Variants in PDZD4 observed in about 807,000 individuals in gnomAD.
PDZD4 encodes the protein PDZ domain containing 4.
In PDZD4, 9 loss-of-function variants were observed where a neutral mutation model predicts 38.5. The observed-to-expected ratio is 0.23, with a 90% confidence interval of 0.14 to 0.41. The LOEUF (loss-of-function observed/expected upper bound fraction) is 0.41. Among genes scored for constraint, PDZD4 ranks in the 10% least tolerant of loss-of-function variants. The probability of loss-of-function intolerance (pLI) is 1.00; values close to 1 mark genes in which losing one functional copy is unlikely to be tolerated. For missense variants in PDZD4, 612 were observed against 722.0 expected (o/e 0.85, Z 1.75); for synonymous variants, 349 against 315.7 (o/e 1.11, Z -1.12).
rs1362707707 is a variant in PDZD4 at position 153,808,151 on chromosome X, T to C, written c.314+191A>G. The C allele has an allele frequency of 2.6e-5, 28 of 1,072,181 alleles. No individual in the cohort carries two copies. In the Admixed American group the frequency reaches 8.6e-4, roughly 33 times the overall value. The allele number at this position is 1,072,181 out of a possible 1,213,427, so 88.4% of individuals were successfully genotyped here. The stretch of plus-strand genomic sequence containing the variant: ...GTCCTCCCTCGGCCCTGGGGGTAGA[T>C]ACAACGGGGCGCCTGCTGGAGCCCG... On this transcript the variant is annotated intron_variant, in intron 2 of 7. Transcript: ENST00000393758.
At chrX:153,830,161 C>T (rs2064527110) in intron 1 of PDZD4, 78 bp downstream of exon 1, 2 of 974,057 alleles carry the variant, frequency 2.1e-6, no homozygotes, top group Admixed American at 3.8e-5. Flanking sequence ...TCTCCCACGC[C>T]CGCCGCTCCG....
chrX:153,829,683 C>A, intron 1 of PDZD4: 2 of 750,279 alleles, frequency 2.7e-6, no homozygotes, highest in Non-Finnish European at 3.1e-6. Flanking sequence ...CGGCCAGGCA[C>A]TGCCACCCGC....
intron 1 of PDZD4, among the ~76,000 whole-genome samples, chrX:153,809,133 C>A (rs1266774405): frequency 8.9e-6 from 1 of 112,483 alleles, no homozygotes; most frequent in Non-Finnish European, 1.9e-5. Flanking sequence ...TAGGGAGGGC[C>A]AGGGTCAGGT....
intron 2 of PDZD4, 25 bp downstream of exon 2, chrX:153,808,317 C>T (rs782483149): frequency 1.9e-5 from 23 of 1,185,160 alleles, no homozygotes; most frequent in Non-Finnish European, 2.5e-5. Context: ...AGGCAGGGCC[C>T]GGGGCCCTCC....
Position 153,806,104 on chromosome X carries a change from G to A in PDZD4, c.534C>T (p.Asp178=), listed in dbSNP as rs1485045561. The change falls in exon 5 of 8, where the codon GAC becomes GAT. Residue 178 remains aspartate (D), a synonymous_variant. Transcript: ENST00000393758. ...EVNPNSIAAK[D]GRIREGDRII... Reference sequence around the variant, plus strand: ...TGCGGTCTCCCTCACGGATCCGGCCGTCTTTGGCTGCAATGCTGTTGGGAT... The same window carrying A: ...TGCGGTCTCCCTCACGGATCCGGCCATCTTTGGCTGCAATGCTGTTGGGAT... The A allele has an allele frequency of 3.8e-5, 46 of 1,210,373 alleles. No individual in the cohort carries two copies. The highest frequency in any genetic ancestry group is 5.3e-5 in the South Asian group (3 of 56,868).
At chrX:153,812,905 C>T (rs567825237) in intron 1 of PDZD4, among the ~76,000 whole-genome samples, 1 of 108,983 alleles carries the variant, frequency 9.2e-6, no homozygotes, top group South Asian at 4.2e-4. Context: ...TCGACCACTC[C>T]AGTCTCTAAA....
At chrX:153,826,374 T>C (rs781920311) in intron 1 of PDZD4, among the ~76,000 whole-genome samples, 1 of 110,735 alleles carries the variant, frequency 9.0e-6, no homozygotes, top group Non-Finnish European at 1.9e-5. Context: ...AATAAACAAT[T>C]TTAGTAAGGT....
chrX:153,805,111 G>A lies in PDZD4; in HGVS notation c.766C>T (p.Pro256Ser), dbSNP rs1557076452. ...TCCTTCCTCACCTGCTGGGCAGGGG[G>A]TGATTTCAGTTTACGAGCACGCAGC... is the stretch of plus-strand genomic sequence containing the variant. ...GELRARKLKS[P>S]PAQQPGNEEE... Residue 256 changes from proline (P) to serine (S), a missense_variant, in exon 7 of 8, where the codon CCC becomes TCC. Physicochemically the swap from Pro to Ser is moderately conservative, Grantham distance 74. Transcript: ENST00000393758. The A allele has an allele frequency of 3.3e-6, 4 of 1,210,779 alleles. No individual in the cohort carries two copies. The highest frequency in any genetic ancestry group is 1.8e-5 in the South Asian group (1 of 56,976).
In PDZD4 at chrX:153,804,829, G is replaced by A. The variant is rs782308126; in HGVS notation, c.852C>T (p.Ser284=). ...TGCTCTCGTCAGTCCGGCCCACCCCGCTGTCCAGCTCCTGGCTGTTGCTCA... is the reference window on the plus strand; with the variant it reads ...TGCTCTCGTCAGTCCGGCCCACCCCACTGTCCAGCTCCTGGCTGTTGCTCA... ...PGLSNSQELD[S]GVGRTDESTR... is the part of the protein sequence containing the mutation. Residue 284 remains serine, a synonymous_variant, in exon 8 of 8, where the codon AGC becomes AGT. Coordinates refer to ENST00000393758, the MANE Select transcript of PDZD4 (RefSeq NM_001303512.2). The A allele has an allele frequency of 2.1e-5, 25 of 1,210,330 alleles. No individual in the cohort carries two copies. The highest frequency in any genetic ancestry group is 2.3e-4 in the Middle Eastern group (1 of 4,373).
At position 153,803,236 on chromosome X, in the gene PDZD4, G is replaced by C; in HGVS notation, c.*117C>G. The C allele has an allele frequency of 2.0e-6, 1 of 496,138 alleles. No homozygotes were observed. Among genetic ancestry groups the C allele is most frequent in the Non-Finnish European group, 2.9e-6 (1 of 339,940 alleles). 40.9% of individuals were successfully genotyped at this position (496,138 alleles called of 1,213,427 possible). On this transcript the variant is annotated 3_prime_UTR_variant, in exon 8 of 8. Transcript: ENST00000393758. ...CACACCCAGACGAGGAGATGTGTGC[G>C]TGCGCACAGCGAGCACGCGCGCGCG...
rs1345792122 is a variant in PDZD4, at chrX:153,804,004, C to T, written c.1677G>A (p.Gly559=). ...EERGRRNPKT[G]LTLERVGPES... is the part of the protein sequence containing the mutation. ...CAGGGCCCACACGCTCCAGGGTCAACCCCGTCTTGGGGTTGCGGCGGCCGC... is the reference window on the plus strand; with the variant it reads ...CAGGGCCCACACGCTCCAGGGTCAATCCCGTCTTGGGGTTGCGGCGGCCGC... The change falls in exon 8 of 8, where the codon GGG becomes GGA. Residue 559 remains glycine, a synonymous_variant. Transcript: ENST00000393758. 6 of 1,159,655 alleles carry T rather than the reference C, an allele frequency of 5.2e-6. No individual in the cohort carries two copies. In the South Asian group the frequency reaches 5.8e-5, roughly 11 times the overall value.
Position 153,830,406 on chromosome X carries a change from C to G in PDZD4, c.-108G>C. On this transcript the variant is annotated 5_prime_UTR_variant, in exon 1 of 8. Coordinates refer to ENST00000393758, the MANE Select transcript of PDZD4 (RefSeq NM_001303512.2). ...GCCGGGGCCAGGGGCCATACCCTGG[C>G]GCGGGGGGCGGGCCGCCTAGCGGGG... is the stretch of plus-strand genomic sequence containing the variant. The G allele has an allele frequency of 3.4e-6, 2 of 587,411 alleles. No individual in the cohort carries two copies. The highest frequency in any genetic ancestry group is 2.6e-6 in the Non-Finnish European group (1 of 390,609). 48.4% of individuals were successfully genotyped at this position (587,411 alleles called of 1,213,427 possible). A position where few individuals can be genotyped will look rare whatever the true frequency, so the allele number is the denominator to read the frequency against.
Position 153,808,407 on chromosome X carries a change from C to G in PDZD4, c.249G>C (p.Ala83=). 8.3e-7 allele frequency: 1 copy of G among 1,211,214 alleles called. No individual in the cohort carries two copies. Among genetic ancestry groups the G allele is most frequent in the Non-Finnish European group, 1.1e-6 (1 of 895,455 alleles). ...QTDITFEHIM[A]LGKLRPPTPP... ...GGGTGGGCGGACGCAGCTTGCCCAGCGCCATGATATGCTCGAAGGTGATGT... is the reference window on the plus strand; with the variant it reads ...GGGTGGGCGGACGCAGCTTGCCCAGGGCCATGATATGCTCGAAGGTGATGT... Residue 83 remains alanine (A), a synonymous_variant, in exon 2 of 8, where the codon GCG becomes GCC. Coordinates refer to ENST00000393758, the MANE Select transcript of PDZD4 (RefSeq NM_001303512.2).
At position 153,820,637 on chromosome X, in the gene PDZD4, A is replaced by T. The variant is rs12008220; in HGVS notation, c.60+9602T>A. ...CTCTAATCTAGAAAAAAATATATAT[A>T]TTTTTTACTTTAATGGGAATGACTT... On this transcript the variant is annotated intron_variant, in intron 1 of 7. Transcript: ENST00000393758. Among the ~76,000 whole-genome samples the T allele has an allele frequency of 4.7e-3, 520 of 111,779 alleles. 2 individuals are homozygous for T. The highest frequency in any genetic ancestry group is 0.016 in the African/African-American group (478 of 30,720).
intron 1 of PDZD4, among the ~76,000 whole-genome samples, chrX:153,822,905 G>A (rs1557081684): frequency 9.1e-6 from 1 of 110,122 alleles, no homozygotes; most frequent in Non-Finnish European, 1.9e-5. Context: ...AACTAATATT[G>A]TACTACATCA....
intron 1 of PDZD4, among the ~76,000 whole-genome samples, chrX:153,825,658 G>C (rs2064473672): frequency 8.9e-6 from 1 of 112,319 alleles, no homozygotes; most frequent in Non-Finnish European, 1.9e-5. Context: ...GTGGAATAAA[G>C]GAACCATGTG....
chrX:153,824,631 G>A (rs1368414293), intron 1 of PDZD4, among the ~76,000 whole-genome samples: 6 of 111,508 alleles, frequency 5.4e-5, no homozygotes, highest in African/African-American at 1.3e-4. Flanking sequence ...TGCCAGCCAC[G>A]CTCCCGCACT....
chrX:153,808,329 G>C lies in PDZD4; in HGVS notation c.314+13C>G. 1 of 1,196,595 alleles carries C rather than the reference G, an allele frequency of 8.4e-7. No homozygotes were observed. Among genetic ancestry groups the C allele is most frequent in the Non-Finnish European group, 1.1e-6 (1 of 887,019 alleles). On this transcript the variant is annotated intron_variant, in intron 2 of 7. Transcript: ENST00000393758. ...TGGAGGCAGGGCCCGGGGCCCTCCT[G>C]AGGGCGACTCACAGCTCAGAGAGGA...
rs184981853 is a variant in PDZD4, at chrX:153,803,263, A to G, written c.*90T>C. The G allele has an allele frequency of 5.9e-3, 2,565 of 433,706 alleles. 38 individuals are homozygous for G. The highest frequency in any genetic ancestry group is 0.05 in the African/African-American group (1,894 of 37,720). 35.7% of individuals were successfully genotyped at this position (433,706 alleles called of 1,213,427 possible). A position where few individuals can be genotyped will look rare whatever the true frequency, so the allele number is the denominator to read the frequency against. The stretch of plus-strand genomic sequence containing the variant: ...GCGCACAGCGAGCACGCGCGCGCGC[A>G]CACACACACACACACAATCTCTATA... On this transcript the variant is annotated 3_prime_UTR_variant, in exon 8 of 8. Coordinates refer to ENST00000393758, the MANE Select transcript of PDZD4 (RefSeq NM_001303512.2).
Sources: gnomAD v4.1 joint callset for allele counts (sites outside exome capture counted in the v4.1 genomes callset) on GRCh38, gnomAD v4.1.1 for gene constraint, MANE v1.5 for transcripts, NCBI Gene and HGNC (gene_info 2026-07-23, HGNC 2026-07-21) for gene names.